The following SNAP91 variants were observed in gnomAD, a reference collection of about 807,000 sequenced individuals.
SNAP91 encodes the protein clathrin coat assembly protein AP180.
SNAP91 carries 27 observed loss-of-function variants against 100.3 expected under a neutral mutation model. The observed-to-expected ratio is 0.27, with a 90% CI of 0.20 to 0.37. The LOEUF is 0.37. SNAP91 is among the 10% of genes least tolerant of loss of function. The pLI is 1.00. For missense variants in SNAP91, 986 were observed against 1,123.7 expected (o/e 0.88, Z 1.75); for synonymous variants, 404 against 398.6 (o/e 1.01, Z -0.16).
At chr6:83,651,470 C>T (rs2098201635) in intron 7 of SNAP91, among the ~76,000 whole-genome samples, 1 of 152,116 alleles carries the variant, frequency 6.6e-6, no homozygotes, top group Admixed American at 6.6e-5. Context: ...TCAAAATATT[C>T]TTACATTTCT....
intron 26 of SNAP91, among the ~76,000 whole-genome samples, chr6:83,565,923 G>A (rs964785304): frequency 2.0e-5 from 3 of 152,036 alleles, no homozygotes; most frequent in Admixed American, 6.5e-5. Context: ...GTTAAACATC[G>A]ACTTACACAT....
intron 2 of SNAP91, among the ~76,000 whole-genome samples, chr6:83,706,596 C>T (rs1037769350): frequency 4.6e-5 from 7 of 152,238 alleles, no homozygotes; most frequent in African/African-American, 1.7e-4. Flanking sequence ...CAGTTGTAAG[C>T]TTCATCAAGC....
chr6:83,597,217 A>C (rs1472931876), intron 16 of SNAP91, among the ~76,000 whole-genome samples: 1 of 152,106 alleles, frequency 6.6e-6, no homozygotes, highest in East Asian at 1.9e-4. Flanking sequence ...CCCGAAGGAG[A>C]CATGAATGAG....
intron 16 of SNAP91, among the ~76,000 whole-genome samples, chr6:83,596,486 C>T (rs2094483659): frequency 2.6e-5 from 4 of 151,942 alleles, no homozygotes. Flanking sequence ...AAATTTGGAA[C>T]TGAGGCCAAT....
chr6:83,579,920 G>A (rs903486269), intron 24 of SNAP91, among the ~76,000 whole-genome samples: 1 of 152,128 alleles, frequency 6.6e-6, no homozygotes, highest in Admixed American at 6.5e-5. Flanking sequence ...TCACACTATA[G>A]AATTTATTTA....
intron 24 of SNAP91, among the ~76,000 whole-genome samples, chr6:83,580,218 T>A (rs557239849): frequency 6.6e-6 from 1 of 152,264 alleles, no homozygotes; most frequent in African/African-American, 2.4e-5. Flanking sequence ...TTTAATAATT[T>A]AGACTAAAAT....
intron 7 of SNAP91, among the ~76,000 whole-genome samples, chr6:83,641,954 T>C (rs527355345): frequency 6.6e-6 from 1 of 152,258 alleles, no homozygotes; most frequent in South Asian, 2.1e-4. Context: ...AATTTTTCCA[T>C]ACATGCTTTG....
At chr6:83,564,967 C>T (rs1346401424) in intron 26 of SNAP91, among the ~76,000 whole-genome samples, 2 of 149,420 alleles carry the variant, frequency 1.3e-5, no homozygotes, top group Non-Finnish European at 3.0e-5. Context: ...AAATGAAGAG[C>T]TAACTCACAG....
Position 83,628,967 on chromosome 6 carries a change from T to C in SNAP91, c.766-5625A>G, listed in dbSNP as rs188234042. On this transcript the variant is annotated intron_variant, in intron 8 of 29. Transcript: ENST00000369694. ...CCAATGTCTAGAAGGGTTTTTCCAA[T>C]GTTATCTTCTAGAATTTTTACAGTT... Among the ~76,000 whole-genome samples, 7 of 152,232 alleles carry C rather than the reference T, an allele frequency of 4.6e-5. No homozygotes were observed. In the East Asian group the frequency reaches 9.6e-4, roughly 21 times the overall value.
intron 8 of SNAP91, among the ~76,000 whole-genome samples, chr6:83,637,740 C>T (rs1044348661): frequency 2.0e-5 from 3 of 152,186 alleles, no homozygotes; most frequent in African/African-American, 7.2e-5. Context: ...TGTACAAGAA[C>T]CTGCACCAGC....
chr6:83,610,707 CTGA>C, intron 11 of SNAP91, 30 bp from the exon 12 acceptor site: 1 of 301,396 alleles, frequency 3.3e-6, no homozygotes, highest in Non-Finnish European at 6.2e-6. Flanking sequence ...AAAATTAAAA[CTGA>C]ATATATATAT....
intron 22 of SNAP91, 85 bp from the exon 23 acceptor site, chr6:83,582,441 A>C (rs1829841185): frequency 1.5e-6 from 2 of 1,367,256 alleles, no homozygotes; most frequent in African/African-American, 1.5e-5. Context: ...AGTTATAGAA[A>C]ACTGAAAAGG....
chr6:83,609,054 A>G (rs1162294656), intron 12 of SNAP91, among the ~76,000 whole-genome samples: 1 of 152,204 alleles, frequency 6.6e-6, no homozygotes, highest in African/African-American at 2.4e-5. Flanking sequence ...GTTTAGAAAA[A>G]ATGATATTGA....
chr6:83,660,509 C>T (rs2098519344), intron 5 of SNAP91, among the ~76,000 whole-genome samples: 2 of 151,832 alleles, frequency 1.3e-5, no homozygotes, highest in African/African-American at 4.9e-5. Flanking sequence ...AAATGAGGAA[C>T]AGATATAAGA....
intron 28 of SNAP91, among the ~76,000 whole-genome samples, chr6:83,559,098 T>C (rs535869226): frequency 6.6e-6 from 1 of 152,190 alleles, no homozygotes; most frequent in Non-Finnish European, 1.5e-5. Flanking sequence ...GATAGGCATG[T>C]CTTTGTTATT....
At chr6:83,626,060 C>T (rs1181664424) in intron 8 of SNAP91, among the ~76,000 whole-genome samples, 4 of 152,028 alleles carry the variant, frequency 2.6e-5, no homozygotes, top group Non-Finnish European at 5.9e-5. Flanking sequence ...GATCCAGTCT[C>T]ATTCTTTTGC....
intron 11 of SNAP91, among the ~76,000 whole-genome samples, chr6:83,613,275 AAC>A (rs1431769826): frequency 6.6e-6 from 1 of 152,188 alleles, no homozygotes; most frequent in Non-Finnish European, 1.5e-5. Context: ...GAAAGGAAGG[AAC>A]TCATCCCATT....
intron 8 of SNAP91, among the ~76,000 whole-genome samples, chr6:83,636,110 T>C (rs1046305440): frequency 1.3e-5 from 2 of 152,174 alleles, no homozygotes; most frequent in Non-Finnish European, 2.9e-5. Flanking sequence ...TTTTTTCTTG[T>C]GTTGATCTTG....
At chr6:83,678,116 C>T (rs2098935168) in intron 2 of SNAP91, among the ~76,000 whole-genome samples, 1 of 152,202 alleles carries the variant, frequency 6.6e-6, no homozygotes, top group East Asian at 1.9e-4. Flanking sequence ...TAAATTAACA[C>T]ATGTCCTATT....
Sources: allele counts gnomAD v4.1 joint callset (sites outside exome capture counted in the v4.1 genomes callset), GRCh38; gene constraint gnomAD v4.1.1; transcripts MANE v1.5; gene names NCBI Gene and HGNC (gene_info 2026-07-23, HGNC 2026-07-21).